NAV3: variants seen among roughly 807,000 people sequenced by gnomAD.
NAV3 encodes the protein pore membrane and/or filament interacting like protein 1.
Under a neutral mutation model 244.7 loss-of-function variants are expected in NAV3, and 87 were observed. The ratio of observed to expected loss-of-function variants is 0.36; its 90% CI spans 0.30 to 0.42. The LOEUF is 0.42. Ranked by LOEUF, NAV3 falls within the 20% of genes least tolerant of loss-of-function variation. The pLI, the probability that NAV3 is intolerant of heterozygous loss-of-function variation, is 1.00. For synonymous variants in NAV3, 1,126 were observed against 1,042.2 expected (o/e 1.08, Z -1.55); for missense variants, 2,663 against 2,893.3 (o/e 0.92, Z 1.83).
chr12:77,710,101 T>G (rs1046946419), intron 2 of NAV3, among the ~76,000 whole-genome samples: 3 of 152,208 alleles, frequency 2.0e-5, no homozygotes, highest in Admixed American at 1.3e-4. Context: ...TAATAGATTC[T>G]AATAAAAAAA....
At chr12:77,876,143 T>C (rs1244605436) in intron 1 of NAV3, among the ~76,000 whole-genome samples, 2 of 152,254 alleles carry the variant, frequency 1.3e-5, no homozygotes, top group East Asian at 3.9e-4. Context: ...TATTGTATCA[T>C]AAATGATTTT....
intron 2 of NAV3, among the ~76,000 whole-genome samples, chr12:77,633,001 T>C (rs2136924095): frequency 6.6e-6 from 1 of 152,246 alleles, no homozygotes; most frequent in Middle Eastern, 3.4e-3. Context: ...TTTCAAGATA[T>C]TTGCAATTTT....
chr12:78,128,282 A>C (rs959675061), intron 17 of NAV3, among the ~76,000 whole-genome samples: 3 of 150,142 alleles, frequency 2.0e-5, no homozygotes, highest in Admixed American at 1.3e-4. Context: ...AAAAAAAAAA[A>C]CAAAAGCTGC....
upstream of NAV3, among the ~76,000 whole-genome samples, chr12:77,828,930 G>C (rs1388932318): frequency 6.6e-6 from 1 of 152,080 alleles, no homozygotes; most frequent in Non-Finnish European, 1.5e-5. Context: ...TTTTGTACTA[G>C]TATAATGCAG....
intron 3 of NAV3, chr12:77,950,728 C>T (rs1411549491): frequency 2.0e-5 from 3 of 152,060 alleles, no homozygotes; most frequent in Admixed American, 2.0e-4. Context: ...AGATATAGAC[C>T]AATGGAACAG....
chr12:78,106,210 T>C (rs1335234284), intron 12 of NAV3, among the ~76,000 whole-genome samples: 1 of 152,062 alleles, frequency 6.6e-6, no homozygotes, highest in Non-Finnish European at 1.5e-5. Context: ...CTAGAACTTA[T>C]TAGTGAATTT....
chr12:77,760,519 T>A (rs553309192), intron 2 of NAV3, among the ~76,000 whole-genome samples: 7 of 152,342 alleles, frequency 4.6e-5, no homozygotes, highest in African/African-American at 1.7e-4. Flanking sequence ...TGAAAAGGCA[T>A]CTGTAGCCTT....
chr12:77,697,295 G>GT (rs1232915369), intron 2 of NAV3, among the ~76,000 whole-genome samples: 1 of 152,130 alleles, frequency 6.6e-6, no homozygotes, highest in African/African-American at 2.4e-5. Flanking sequence ...CCTCAGGCTT[G>GT]TAGTGGGGCA....
At chr12:77,923,428 A>T (rs942339908) in intron 1 of NAV3, among the ~76,000 whole-genome samples, 25 of 152,208 alleles carry the variant, frequency 1.6e-4, no homozygotes, top group East Asian at 9.6e-4. Context: ...CCAAATTTTT[A>T]AAAAAATCTA....
chr12:77,670,436 T>C (rs10161092), intron 2 of NAV3, among the ~76,000 whole-genome samples: 13,304 of 152,092 alleles, frequency 0.087, 906 homozygotes, highest in African/African-American at 0.2. Flanking sequence ...CTACATCATT[T>C]TATGAAGCCA....
chr12:78,085,035 G>A (rs938752872), intron 12 of NAV3, among the ~76,000 whole-genome samples: 2 of 151,830 alleles, frequency 1.3e-5, no homozygotes, highest in African/African-American at 2.4e-5. Context: ...CAAAGGGATG[G>A]GTAATAATCA....
intron 2 of NAV3, among the ~76,000 whole-genome samples, chr12:77,804,455 A>G (rs1274468929): frequency 6.6e-6 from 1 of 152,132 alleles, no homozygotes; most frequent in Non-Finnish European, 1.5e-5. Flanking sequence ...TGTTTTTGTC[A>G]GGTTTATCGA....
chr12:78,191,242 A>C (rs900727003), intron 34 of NAV3, among the ~76,000 whole-genome samples: 1 of 152,176 alleles, frequency 6.6e-6, no homozygotes, highest in African/African-American at 2.4e-5. Flanking sequence ...AATGAGGGAA[A>C]TAGTAGGGCT....
intron 2 of NAV3, among the ~76,000 whole-genome samples, chr12:77,586,031 G>A (rs540363070): frequency 3.3e-5 from 5 of 152,102 alleles, no homozygotes; most frequent in African/African-American, 7.2e-5. Context: ...GCGTGGTGGC[G>A]GGTGCCTGTA....
intron 2 of NAV3, among the ~76,000 whole-genome samples, chr12:77,679,280 A>G (rs1376718549): frequency 1.3e-5 from 2 of 152,200 alleles, no homozygotes; most frequent in East Asian, 1.9e-4. Context: ...TATCGGGGAA[A>G]CAACACGAAG....
chr12:77,817,566 A>C (rs1355750225), intron 2 of NAV3, among the ~76,000 whole-genome samples: 1 of 152,100 alleles, frequency 6.6e-6, no homozygotes, highest in Non-Finnish European at 1.5e-5. Context: ...GCAGATGCAA[A>C]TGTTAACTTC....
intron 21 of NAV3, 68 bp from the exon 22 acceptor site, chr12:78,148,774 G>A (rs1956961849): frequency 2.9e-6 from 4 of 1,400,706 alleles, no homozygotes; most frequent in Non-Finnish European, 4.0e-6. Flanking sequence ...TTGCTTTCTT[G>A]GTTTGAATTC....
chr12:77,907,185 G>A (rs969204190), intron 1 of NAV3, among the ~76,000 whole-genome samples: 1 of 152,190 alleles, frequency 6.6e-6, no homozygotes, highest in Non-Finnish European at 1.5e-5. Flanking sequence ...TTACATAATG[G>A]AGTTCCAGGG....
At chr12:77,634,472 A>G (rs1027154617) in intron 2 of NAV3, among the ~76,000 whole-genome samples, 3 of 152,206 alleles carry the variant, frequency 2.0e-5, no homozygotes, top group African/African-American at 7.2e-5. Context: ...ACTACAAGGG[A>G]CCAACTGCAG....
Sources: gnomAD v4.1 joint callset for allele counts (sites outside exome capture counted in the v4.1 genomes callset) on GRCh38, gnomAD v4.1.1 for gene constraint, MANE v1.5 for transcripts, NCBI Gene and HGNC (gene_info 2026-07-23, HGNC 2026-07-21) for gene names.